Variants in RACGAP1 observed in about 807,000 individuals in gnomAD.
The protein encoded by RACGAP1 is rac GTPase-activating protein 1.
RACGAP1 carries 30 observed loss-of-function variants against 78.1 expected under a neutral mutation model. That is an observed-to-expected ratio of 0.38 (90% confidence interval 0.29 to 0.52). The LOEUF (loss-of-function observed/expected upper bound fraction) is 0.52, where lower values mean the gene tolerates loss of function less well. RACGAP1 is among the 20% of genes least tolerant of loss of function. RACGAP1 has a pLI of 0.82. For missense variants in RACGAP1, 587 were observed against 777.1 expected (o/e 0.76, Z 2.91); for synonymous variants, 231 against 264.8 (o/e 0.87, Z 1.24).
At chr12:50,030,590 G>A (rs1950323481) in intron 2 of RACGAP1, among the ~76,000 whole-genome samples, 1 of 151,880 alleles carries the variant, frequency 6.6e-6, no homozygotes, top group Non-Finnish European at 1.5e-5. Context: ...TCAGGAGGCT[G>A]AGGCAGGAGA....
At chr12:50,002,885 G>A (rs56259551) in intron 5 of RACGAP1, among the ~76,000 whole-genome samples, 13,365 of 152,080 alleles carry the variant, frequency 0.088, 684 homozygotes, top group South Asian at 0.15. Context: ...TTAGCCAGGC[G>A]TGGTGGCGGG....
intron 1 of RACGAP1, among the ~76,000 whole-genome samples, chr12:50,024,990 A>G (rs1185805033): frequency 6.6e-6 from 1 of 151,920 alleles, no homozygotes; most frequent in East Asian, 1.9e-4. Context: ...AGACCCACGA[A>G]GTAGAGGGGC....
chr12:50,031,976 A>G (rs1950340043), intron 1 of RACGAP1: 2 of 153,704 alleles, frequency 1.3e-5, no homozygotes, highest in Admixed American at 6.6e-5. Flanking sequence ...ATGAAACCCC[A>G]TCGCTACTAA....
upstream of RACGAP1, among the ~76,000 whole-genome samples, chr12:50,028,370 CT>C (rs1950299567): frequency 6.6e-6 from 1 of 152,220 alleles, no homozygotes; most frequent in Non-Finnish European, 1.5e-5. Flanking sequence ...TGTGTGCCCA[CT>C]TTTCTCCTTC....
At chr12:49,997,283 T>A (rs1467725242) in intron 9 of RACGAP1, 79 bp from the exon 10 acceptor site, 4 of 1,413,078 alleles carry the variant, frequency 2.8e-6, no homozygotes, top group Non-Finnish European at 3.7e-6. Context: ...TTTTTTTTTT[T>A]TTTTTTTTTG....
Position 49,994,112 on chromosome 12 carries a change from G to A in RACGAP1, c.1339+19C>T, listed in dbSNP as rs774589457. On this transcript the variant is annotated intron_variant, in intron 12 of 16. Coordinates refer to ENST00000312377, the MANE Select transcript of RACGAP1 (RefSeq NM_001319999.2). ...CTGCCGTGGAGGAATTCATATTCAA[G>A]TATTACATCTGCCCTTACCTGCTGC... 1.2e-5 allele frequency: 19 copies of A among 1,586,178 alleles called. No homozygotes were observed. The highest frequency in any genetic ancestry group is 1.6e-5 in the Non-Finnish European group (19 of 1,158,820).
At chr12:50,022,334 G>A (rs532470413) in intron 1 of RACGAP1, among the ~76,000 whole-genome samples, 159 of 152,326 alleles carry the variant, frequency 1.0e-3, no homozygotes, top group African/African-American at 3.7e-3. Flanking sequence ...TGTAATCCCA[G>A]CACTTTGGGA....
chr12:50,030,348 C>CAA (rs58620170), upstream of RACGAP1, among the ~76,000 whole-genome samples: 3 of 82,600 alleles, frequency 3.6e-5, no homozygotes, highest in Admixed American at 1.3e-4. Context: ...GACCTTGTCT[C>CAA]AAAAAAAAAA....
At position 49,990,361 on chromosome 12, in the gene RACGAP1, T is replaced by G. The variant is rs1340171074; in HGVS notation, c.1824-18A>C. ...TCCCAAATCTACAATAAAAAGAGAA[T>G]GAACTGGAAAAATATTCTATAAAAA... is the stretch of plus-strand genomic sequence containing the variant. On this transcript the variant is annotated intron_variant, in intron 16 of 16. Coordinates refer to ENST00000312377, the MANE Select transcript of RACGAP1 (RefSeq NM_001319999.2). 1 of 1,591,920 alleles carries G rather than the reference T, an allele frequency of 6.3e-7. No homozygotes were observed. The highest frequency in any genetic ancestry group is 1.1e-5 in the South Asian group (1 of 90,590).
intron 1 of RACGAP1, among the ~76,000 whole-genome samples, chr12:50,032,204 A>C (rs1042527003): frequency 3.9e-5 from 6 of 152,148 alleles, no homozygotes; most frequent in Non-Finnish European, 5.9e-5. Flanking sequence ...GAGAGGAATA[A>C]ATGAGTTATC....
At chr12:49,991,461 A>ATATATATATATAT (rs1313326456) in intron 15 of RACGAP1, among the ~76,000 whole-genome samples, 1 of 17,428 alleles carries the variant, frequency 5.7e-5, no homozygotes, top group East Asian at 1.4e-3. Flanking sequence ...AAACTATTAT[A>ATATATATATATAT]TATATATATA....
At chr12:50,002,066 A>T (rs1948712610) in intron 6 of RACGAP1, among the ~76,000 whole-genome samples, 181 bp downstream of exon 6, 1 of 149,066 alleles carries the variant, frequency 6.7e-6, no homozygotes, top group Non-Finnish European at 1.5e-5. Context: ...TCCGTCTCAA[A>T]AAAAAGAAAA....
At chr12:49,994,059 A>T in intron 12 of RACGAP1, 72 bp downstream of exon 12, 1 of 1,369,802 alleles carries the variant, frequency 7.3e-7, no homozygotes, top group Non-Finnish European at 1.0e-6. Flanking sequence ...AAAAATAAAT[A>T]AAAAAATAAA....
At chr12:50,013,231 G>T (rs756904587) in intron 2 of RACGAP1, among the ~76,000 whole-genome samples, 1 of 151,928 alleles carries the variant, frequency 6.6e-6, no homozygotes, top group African/African-American at 2.4e-5. Flanking sequence ...GGAGATTTTT[G>T]GCATAATCAT....
chr12:50,030,553 G>A (rs186299403), intron 2 of RACGAP1, among the ~76,000 whole-genome samples: 171 of 151,554 alleles, frequency 1.1e-3, no homozygotes, highest in African/African-American at 3.3e-3. Flanking sequence ...GTCGGGCGTC[G>A]TGGCACATGC....
At chr12:49,997,272 CTTTTTTT>C (rs540814831) in intron 9 of RACGAP1, 68 bp from the exon 10 acceptor site, 5 of 1,159,458 alleles carry the variant, frequency 4.3e-6, no homozygotes, top group East Asian at 4.0e-5. Flanking sequence ...AATCAACTAA[CTTTTTTT>C]TTTTTTTTTT....
upstream of RACGAP1, among the ~76,000 whole-genome samples, chr12:50,027,748 C>T (rs1012684819): frequency 1.3e-5 from 2 of 152,160 alleles, no homozygotes; most frequent in African/African-American, 4.8e-5. Context: ...ATCGCTTGAA[C>T]CCGGGAGGCA....
At chr12:50,024,567 T>G (rs780924786) in intron 1 of RACGAP1, among the ~76,000 whole-genome samples, 29 of 152,224 alleles carry the variant, frequency 1.9e-4, no homozygotes, top group Non-Finnish European at 2.8e-4. Flanking sequence ...TGTTCACTAT[T>G]TGAGTGATGG....
intron 3 of RACGAP1, among the ~76,000 whole-genome samples, chr12:50,005,904 T>C (rs1404407368): frequency 6.6e-6 from 1 of 152,244 alleles, no homozygotes; most frequent in Non-Finnish European, 1.5e-5. Context: ...TCCTTTGCAT[T>C]ATGACCCATC....
Sources: gnomAD v4.1 joint callset for allele counts (sites outside exome capture counted in the v4.1 genomes callset) on GRCh38, gnomAD v4.1.1 for gene constraint, MANE v1.5 for transcripts, NCBI Gene and HGNC (gene_info 2026-07-23, HGNC 2026-07-21) for gene names.